Variants in FAM20C observed in about 807,000 individuals in gnomAD.
FAM20C encodes FAM20C golgi associated secretory pathway kinase.
In FAM20C, 40 loss-of-function variants were observed where a neutral mutation model predicts 51.5. The ratio of observed to expected loss-of-function variants is 0.78; its 90% CI spans 0.60 to 1.01. The LOEUF is 1.01. Among genes scored for constraint, FAM20C ranks in the 50% least tolerant of loss-of-function variants. The pLI, the probability that FAM20C is intolerant of heterozygous loss-of-function variation, is 0.00. For missense variants in FAM20C, 861 were observed against 844.7 expected, an observed-to-expected ratio of 1.02 and a Z score of -0.24; for synonymous variants, 406 against 380.6, an observed-to-expected ratio of 1.07 and a Z score of -0.78.
At chr7:231,938 G>A (rs562305583) in intron 3 of FAM20C, among the ~76,000 whole-genome samples, 30 of 152,214 alleles carry the variant, frequency 2.0e-4, no homozygotes, top group African/African-American at 5.5e-4. Context: ...TCCATCCTCC[G>A]GCCCCAGCAC....
rs538469200 is a variant in FAM20C at position 193,399 on chromosome 7, C to T, written c.200C>T (p.Pro67Leu). ...APGWAQVRGRPGEPPAASSAA... is the reference protein window; with the variant it reads ...APGWAQVRGRLGEPPAASSAA... ...GGCTGGGCCCAGGTTCGGGGCCGCC[C>T]CGGGGAGCCCCCGGCCGCCTCCTCC... Residue 67 changes from proline (P) to leucine (L), a missense_variant, in exon 1 of 10, where the codon CCC (proline) becomes CTC (leucine). Around this residue, in one of 3 missense-constraint regions of FAM20C, gnomAD observed 561 missense variants for 499.8 expected, o/e 1.12. Coordinates refer to ENST00000313766, the MANE Select transcript of FAM20C (RefSeq NM_020223.4). 2 of 1,397,370 alleles carry T rather than the reference C, an allele frequency of 1.4e-6. No individual in the cohort carries two copies. Among genetic ancestry groups the T allele is most frequent in the African/African-American group, 3.0e-5 (2 of 66,566 alleles). The allele number at this position is 1,397,370 out of a possible 1,614,324, so 86.6% of individuals were successfully genotyped here.
chr7:248,246 G>T lies in FAM20C; in HGVS notation c.957-69G>T, dbSNP rs528467859. On this transcript the variant is annotated intron_variant, in intron 4 of 9. Coordinates refer to ENST00000313766, the MANE Select transcript of FAM20C (RefSeq NM_020223.4). The stretch of plus-strand genomic sequence containing the variant: ...ACCCTCCCCTGCCCCGTTCTTATTT[G>T]GAGGCAGGGACACAGAGGCCCGCTG... 3.2e-4 allele frequency: 360 copies of T among 1,131,984 alleles called. 2 individuals carry two copies. In the South Asian group the frequency reaches 5.0e-3, roughly 16 times the overall value. The allele number at this position is 1,131,984 out of a possible 1,614,324, so 70.1% of individuals were successfully genotyped here. A position where few individuals can be genotyped will look rare whatever the true frequency, so the allele number is the denominator to read the frequency against.
chr7:213,790 C>T (rs960060618), intron 3 of FAM20C, among the ~76,000 whole-genome samples: 16 of 152,068 alleles, frequency 1.1e-4, no homozygotes, highest in African/African-American at 2.2e-4. Context: ...AGCTCGTTCC[C>T]GGGTTCCAGT....
intron 8 of FAM20C, among the ~76,000 whole-genome samples, chr7:258,032 GCCC>G (rs1398241214): frequency 3.2e-4 from 30 of 94,076 alleles, no homozygotes; most frequent in African/African-American, 1.1e-3. Context: ...TGGACCCACT[GCCC>G]GGGTGCTGGA....
chr7:194,167 C>G, intron 1 of FAM20C: 1 of 232,992 alleles, frequency 4.3e-6, no homozygotes, highest in Non-Finnish European at 8.3e-6. Context: ...GGCTTTCAGA[C>G]ACTTGGCGAG....
intron 3 of FAM20C, among the ~76,000 whole-genome samples, chr7:245,192 G>A (rs751782527): frequency 2.0e-5 from 3 of 152,244 alleles, no homozygotes; most frequent in South Asian, 2.1e-4. Context: ...TGACCGGGGC[G>A]GCGTCTGTAG....
intron 5 of FAM20C, among the ~76,000 whole-genome samples, chr7:251,536 G>A (rs1317732353): frequency 6.6e-6 from 1 of 151,490 alleles, no homozygotes; most frequent in African/African-American, 2.4e-5. Context: ...AAAAAAGACT[G>A]AGTTGATTAT....
intron 2 of FAM20C, among the ~76,000 whole-genome samples, chr7:202,393 T>C (rs1786174661): frequency 6.9e-6 from 1 of 145,298 alleles, no homozygotes. Flanking sequence ...GTGGACATCT[T>C]CCTGTGTGCA....
chr7:220,835 C>T (rs532413485), intron 3 of FAM20C, among the ~76,000 whole-genome samples: 5 of 152,350 alleles, frequency 3.3e-5, no homozygotes, highest in Admixed American at 1.3e-4. Context: ...CCAGCCGTCA[C>T]GCCCTGGGGA....
chr7:218,395 C>T lies in FAM20C; in HGVS notation c.863+9419C>T, dbSNP rs755625062. Among the ~76,000 whole-genome samples the T allele has an allele frequency of 7.3e-4, 111 of 152,246 alleles. 1 individual carries two copies. The highest frequency in any genetic ancestry group is 1.3e-3 in the Non-Finnish European group (88 of 68,050). ...CGTCCAGTGCCGCGCTGCGTGCTGC[C>T]TCCTCAGTTCACCCGCACTGACCCT... is the stretch of plus-strand genomic sequence containing the variant. On this transcript the variant is annotated intron_variant, in intron 3 of 9. Coordinates refer to ENST00000313766, the MANE Select transcript of FAM20C (RefSeq NM_020223.4).
chr7:246,773 G>A lies in FAM20C; in HGVS notation c.956+266G>A, dbSNP rs575842704. On this transcript the variant is annotated intron_variant, in intron 4 of 9. Coordinates refer to ENST00000313766, the MANE Select transcript of FAM20C (RefSeq NM_020223.4). The stretch of plus-strand genomic sequence containing the variant: ...CCTGAGCAGGGCCCTCTGTGTCATC[G>A]TAGCCCACACAACACGCGGTAGGGA... Among the ~76,000 whole-genome samples the A allele has an allele frequency of 9.9e-5, 15 of 152,070 alleles. No homozygotes were observed. The South Asian group carries it at 2.3e-3, about 23-fold the overall frequency.
chr7:250,033 C>G (rs1477491681), intron 5 of FAM20C, among the ~76,000 whole-genome samples: 1 of 152,192 alleles, frequency 6.6e-6, no homozygotes, highest in African/African-American at 2.4e-5. Flanking sequence ...CCCTCCGGAT[C>G]GGAGGCTCTC....
intron 2 of FAM20C, among the ~76,000 whole-genome samples, chr7:205,204 C>T (rs1010887403): frequency 1.4e-5 from 2 of 147,596 alleles, no homozygotes; most frequent in African/African-American, 5.0e-5. Context: ...CCCCTGGCCT[C>T]AAGCAGTCTT....
intron 2 of FAM20C, chr7:197,509 C>T (rs1429880695): frequency 6.0e-6 from 1 of 166,884 alleles, no homozygotes; most frequent in East Asian, 1.9e-4. Flanking sequence ...GAGCTTCTCT[C>T]CAGCTCATTT....
At chr7:230,414 T>TG (rs1562385608) in intron 3 of FAM20C, among the ~76,000 whole-genome samples, 2 of 141,306 alleles carry the variant, frequency 1.4e-5, no homozygotes, top group African/African-American at 5.1e-5. Flanking sequence ...AAAGTGCCCC[T>TG]GTCTGTGGTT....
intron 5 of FAM20C, among the ~76,000 whole-genome samples, chr7:255,270 C>T (rs1158403614): frequency 6.6e-6 from 1 of 152,188 alleles, no homozygotes; most frequent in African/African-American, 2.4e-5. Context: ...TGGAAGCCAT[C>T]CCAGCAGACA....
chr7:193,974 A>C, intron 1 of FAM20C, 170 bp downstream of exon 1: 1 of 1,077,044 alleles, frequency 9.3e-7, no homozygotes, highest in Non-Finnish European at 1.2e-6. Flanking sequence ...TGTCTCCAGA[A>C]TAACCTCCTC....
chr7:194,673 T>C (rs1381815007), intron 1 of FAM20C, among the ~76,000 whole-genome samples: 1 of 152,138 alleles, frequency 6.6e-6, no homozygotes, highest in African/African-American at 2.4e-5. Context: ...TTCAAGGAAA[T>C]GCTTGGAAAT....
At chr7:199,786 C>T (rs962733676) in intron 2 of FAM20C, among the ~76,000 whole-genome samples, 2 of 152,190 alleles carry the variant, frequency 1.3e-5, no homozygotes, top group African/African-American at 4.8e-5. Context: ...TGAAATCGGG[C>T]ATGCAGTGCC....
Sources: allele counts gnomAD v4.1 joint callset (sites outside exome capture counted in the v4.1 genomes callset), GRCh38; gene constraint gnomAD v4.1.1; regional missense constraint gnomAD v4.1.1; transcripts MANE v1.5; gene names NCBI Gene and HGNC (gene_info 2026-07-23, HGNC 2026-07-21).